NDUFAF2: variants seen among roughly 807,000 people sequenced by gnomAD.
NDUFAF2 encodes the protein NADH dehydrogenase [ubiquinone] 1 alpha subcomplex assembly factor 2.
Under a neutral mutation model 22.8 loss-of-function variants are expected in NDUFAF2, and 13 were observed. The observed-to-expected ratio is 0.57, with a 90% CI of 0.37 to 0.91. The LOEUF (loss-of-function observed/expected upper bound fraction) is 0.91, where lower values mean the gene tolerates loss of function less well. Ranked by LOEUF, NDUFAF2 falls within the 40% of genes least tolerant of loss-of-function variation. The probability of loss-of-function intolerance (pLI) is 0.01; values close to 1 mark genes in which losing one functional copy is unlikely to be tolerated. For missense variants in NDUFAF2, 162 were observed against 195.2 expected, an observed-to-expected ratio of 0.83 and a Z score of 1.01; for synonymous variants, 53 against 64.2, an observed-to-expected ratio of 0.83 and a Z score of 0.84.
intron 1 of NDUFAF2, among the ~76,000 whole-genome samples, chr5:61,028,056 T>G (rs1287286392): frequency 1.3e-5 from 2 of 151,994 alleles, no homozygotes; most frequent in African/African-American, 4.8e-5. Context: ...TAATATGATG[T>G]CAAGTAGAAA....
intron 3 of NDUFAF2, among the ~76,000 whole-genome samples, chr5:61,112,077 G>A (rs1289460247): frequency 6.6e-6 from 1 of 151,730 alleles, no homozygotes. Context: ...TTTGTATTGG[G>A]GTCTGTCTCT....
intron 1 of NDUFAF2, among the ~76,000 whole-genome samples, chr5:61,025,954 T>C (rs1751644142): frequency 6.6e-6 from 1 of 152,092 alleles, no homozygotes; most frequent in Non-Finnish European, 1.5e-5. Flanking sequence ...TTTTATATCA[T>C]GGCTTTTTAA....
At chr5:61,095,403 C>T (rs866754370) in intron 2 of NDUFAF2, among the ~76,000 whole-genome samples, 1 of 152,144 alleles carries the variant, frequency 6.6e-6, no homozygotes, top group African/African-American at 2.4e-5. Flanking sequence ...AGGTAGGGGG[C>T]GACACTGTTG....
intron 1 of NDUFAF2, among the ~76,000 whole-genome samples, chr5:61,044,751 G>C (rs867482336): frequency 7.9e-5 from 12 of 152,218 alleles, no homozygotes; most frequent in Middle Eastern, 6.8e-3. Flanking sequence ...TTTCAAATCT[G>C]ATAGTGTGAT....
At position 60,950,460 on chromosome 5, in the gene NDUFAF2, C is replaced by T. The variant is rs553250561; in HGVS notation, c.127+5078C>T. ...TTGGCCTCCTAAAGTGCTGGGATTA[C>T]AGGCATGAGCCACCACGCCTGGCCA... On this transcript the variant is annotated intron_variant, in intron 1 of 3. Transcript: ENST00000296597. Among the ~76,000 whole-genome samples the T allele has an allele frequency of 4.6e-5, 7 of 152,276 alleles. No individual in the cohort carries two copies. In the South Asian group the frequency reaches 8.3e-4, roughly 18 times the overall value.
chr5:61,056,833 G>A (rs1223408879), intron 1 of NDUFAF2, among the ~76,000 whole-genome samples: 2 of 138,182 alleles, frequency 1.4e-5, no homozygotes, highest in African/African-American at 5.6e-5. Context: ...AGGTTGCGGT[G>A]AGCTGAGATC....
In NDUFAF2 at chr5:61,142,212, G is replaced by A. The variant is rs79395039; in HGVS notation, c.259-10492G>A. ...AAATTTCTTTTTCAATTAAATAATT[G>A]TGTCTTTATGCTTAGAGGCCCTTTT... On this transcript the variant is annotated intron_variant, in intron 3 of 3. Transcript: ENST00000296597. Among the ~76,000 whole-genome samples, 1,315 of 152,158 alleles carry A rather than the reference G, an allele frequency of 8.6e-3. 21 individuals carry two copies. The highest frequency in any genetic ancestry group is 0.03 in the African/African-American group (1,260 of 41,492).
At chr5:61,088,137 A>G (rs1445515414) in intron 2 of NDUFAF2, among the ~76,000 whole-genome samples, 3 of 152,182 alleles carry the variant, frequency 2.0e-5, no homozygotes, top group Admixed American at 6.6e-5. Context: ...TTGTTGGCCA[A>G]AGACCACACT....
At chr5:60,955,086 T>C (rs558355190) in intron 1 of NDUFAF2, among the ~76,000 whole-genome samples, 11 of 152,328 alleles carry the variant, frequency 7.2e-5, no homozygotes, top group African/African-American at 1.2e-4. Context: ...ATCAGACTTA[T>C]CTATTTTTGC....
chr5:60,982,332 A>G (rs1288051968), intron 1 of NDUFAF2, among the ~76,000 whole-genome samples: 1 of 152,140 alleles, frequency 6.6e-6, no homozygotes, highest in Non-Finnish European at 1.5e-5. Context: ...GTCATATCTT[A>G]CATGGATGGC....
chr5:61,103,091 C>T (rs1481062251), intron 3 of NDUFAF2, among the ~76,000 whole-genome samples: 1 of 152,100 alleles, frequency 6.6e-6, no homozygotes, highest in Admixed American at 6.6e-5. Flanking sequence ...GTAATTCTCC[C>T]GGCCACCTTG....
intron 1 of NDUFAF2, among the ~76,000 whole-genome samples, chr5:60,953,179 T>C (rs577834499): frequency 1.3e-5 from 2 of 152,138 alleles, no homozygotes; most frequent in East Asian, 1.9e-4. Flanking sequence ...TATTATCAAA[T>C]TGCTCAAAGC....
At chr5:61,011,307 G>A (rs1204510459) in intron 1 of NDUFAF2, among the ~76,000 whole-genome samples, 1 of 152,036 alleles carries the variant, frequency 6.6e-6, no homozygotes, top group Admixed American at 6.6e-5. Flanking sequence ...TTGTAGCCAG[G>A]CCATGGACAT....
chr5:61,107,658 A>G (rs983873655), intron 3 of NDUFAF2, among the ~76,000 whole-genome samples: 1 of 147,496 alleles, frequency 6.8e-6, no homozygotes, highest in Non-Finnish European at 1.5e-5. Flanking sequence ...TTTTTTAATT[A>G]TGATTACTAT....
intron 1 of NDUFAF2, among the ~76,000 whole-genome samples, chr5:61,016,598 T>C (rs1266941011): frequency 6.6e-6 from 1 of 152,146 alleles, no homozygotes; most frequent in Non-Finnish European, 1.5e-5. Flanking sequence ...CTTGACAGAG[T>C]ATATTTCTTA....
intron 1 of NDUFAF2, among the ~76,000 whole-genome samples, chr5:60,987,605 C>T (rs1256766797): frequency 3.3e-5 from 5 of 152,128 alleles, no homozygotes; most frequent in Non-Finnish European, 5.9e-5. Flanking sequence ...AGGCTCTATC[C>T]CTGGGATGCA....
At chr5:61,110,054 C>T (rs1470113378) in intron 3 of NDUFAF2, among the ~76,000 whole-genome samples, 1 of 152,058 alleles carries the variant, frequency 6.6e-6, no homozygotes, top group Non-Finnish European at 1.5e-5. Context: ...AATGCTTTTC[C>T]AGCATCAATT....
At chr5:61,144,573 C>T (rs935643539) in intron 3 of NDUFAF2, among the ~76,000 whole-genome samples, 7 of 152,296 alleles carry the variant, frequency 4.6e-5, no homozygotes, top group African/African-American at 1.7e-4. Context: ...TCCCACACCT[C>T]TGGTCTGAGT....
At chr5:61,141,020 G>A (rs1257091971) in intron 3 of NDUFAF2, among the ~76,000 whole-genome samples, 2 of 152,156 alleles carry the variant, frequency 1.3e-5, no homozygotes, top group African/African-American at 2.4e-5. Flanking sequence ...CCTGAGATAG[G>A]AGTTGGAGAC....
Sources: gnomAD v4.1 joint callset for allele counts (sites outside exome capture counted in the v4.1 genomes callset) on GRCh38, gnomAD v4.1.1 for gene constraint, MANE v1.5 for transcripts, NCBI Gene and HGNC (gene_info 2026-07-23, HGNC 2026-07-21) for gene names.